Variants in NFIB observed in about 807,000 individuals in gnomAD.
The protein encoded by NFIB is nuclear factor 1 B-type.
In NFIB, 11 loss-of-function variants were observed where a neutral mutation model predicts 61.5. That is an observed-to-expected ratio of 0.18 (90% confidence interval 0.11 to 0.30). The LOEUF is 0.30. NFIB is among the 10% of genes least tolerant of loss of function. The probability of loss-of-function intolerance (pLI) is 1.00; values close to 1 mark genes in which losing one functional copy is unlikely to be tolerated. For synonymous variants in NFIB, 260 were observed against 216.5 expected (o/e 1.20, Z -1.76); for missense variants, 471 against 608.9 (o/e 0.77, Z 2.38).
the NFIB span, among the ~76,000 whole-genome samples, chr9:14,492,271 G>A: frequency 1.3e-5 from 2 of 151,976 alleles, no homozygotes; most frequent in Admixed American, 6.6e-5. Flanking sequence ...GCTGAGGCAG[G>A]AGAATGGCAT....
At chr9:14,295,332 G>A (rs56900909) in intron 2 of NFIB, among the ~76,000 whole-genome samples, 12,273 of 152,120 alleles carry the variant, frequency 0.081, 1,267 homozygotes, top group African/African-American at 0.25. Flanking sequence ...CTTTTTTAAG[G>A]ACAATCCAGT....
In NFIB at chr9:14,147,676, T is replaced by C. The variant is rs185699803; in HGVS notation, c.807-869A>G. On this transcript the variant is annotated intron_variant, in intron 5 of 10. Transcript: ENST00000380953. ...TTTTTTTGAGACTGGGTCTCACTCT[T>C]TCACCTACGATGTAGTACACTGTGG... 2.0e-3 allele frequency among the ~76,000 whole-genome samples: 295 copies of C among 148,206 alleles called. 3 individuals carry two copies. Among genetic ancestry groups the C allele is most frequent in the African/African-American group, 7.1e-3 (282 of 39,532 alleles).
intron 6 of NFIB, among the ~76,000 whole-genome samples, chr9:14,143,956 C>T (rs1323276487): frequency 6.8e-6 from 1 of 148,014 alleles, no homozygotes; most frequent in East Asian, 2.0e-4. Context: ...GTGCACATTA[C>T]GAAGTCTTCA....
chr9:14,227,368 C>T (rs978429310), intron 2 of NFIB, among the ~76,000 whole-genome samples: 1 of 152,022 alleles, frequency 6.6e-6, no homozygotes, highest in East Asian at 1.9e-4. Context: ...CAGTATAGGG[C>T]ATGAAATATT....
At chr9:14,329,078 T>C (rs2060789090) in intron 1 of NFIB, among the ~76,000 whole-genome samples, 1 of 152,208 alleles carries the variant, frequency 6.6e-6, no homozygotes, top group East Asian at 1.9e-4. Context: ...TTGTATCATA[T>C]TGGCCTGCTT....
rs2045352798 is a variant in NFIB at position 14,169,740 on chromosome 9, C to G, written c.616+9987G>C. 2.6e-5 allele frequency among the ~76,000 whole-genome samples: 4 copies of G among 152,336 alleles called. No individual in the cohort carries two copies. In the South Asian group the frequency reaches 8.3e-4, roughly 32 times the overall value. On this transcript the variant is annotated intron_variant, in intron 3 of 10. Transcript: ENST00000380953. The stretch of plus-strand genomic sequence containing the variant: ...GGCTGAGGCAGGAGAATTGCTTGAA[C>G]CTGGGAGGCAAAAGTTGCAGTGAGC...
chr9:14,131,374 T>C (rs1412259032), intron 6 of NFIB, among the ~76,000 whole-genome samples: 1 of 152,226 alleles, frequency 6.6e-6, no homozygotes, highest in Non-Finnish European at 1.5e-5. Context: ...TTTTTGGCAC[T>C]GTAACATATA....
At chr9:14,438,275 C>T in the NFIB span, among the ~76,000 whole-genome samples, 1 of 152,130 alleles carries the variant, frequency 6.6e-6, no homozygotes, top group Non-Finnish European at 1.5e-5. Context: ...ATTGCAGGTC[C>T]AGATTTCAAG....
chr9:14,406,958 G>C, the NFIB span, among the ~76,000 whole-genome samples: 1 of 152,124 alleles, frequency 6.6e-6, no homozygotes, highest in Non-Finnish European at 1.5e-5. Flanking sequence ...GAGATATCAT[G>C]GTTTATCTGT....
At chr9:14,286,342 T>C (rs188106553) in intron 2 of NFIB, among the ~76,000 whole-genome samples, 1 of 152,252 alleles carries the variant, frequency 6.6e-6, no homozygotes, top group African/African-American at 2.4e-5. Flanking sequence ...AGTCCAGAAA[T>C]ACATCCTGAC....
At chr9:14,398,080 A>G (rs2061705535) in intron 1 of NFIB, among the ~76,000 whole-genome samples, 1 of 152,186 alleles carries the variant, frequency 6.6e-6, no homozygotes, top group Non-Finnish European at 1.5e-5. Context: ...GTCAAGACCA[A>G]AGGCTGCTTA....
chr9:14,481,199 A>ATATATATATATATATATG, the NFIB span, among the ~76,000 whole-genome samples: 4 of 18,266 alleles, frequency 2.2e-4, no homozygotes, highest in African/African-American at 1.3e-3. Flanking sequence ...GTGTGTGTGT[A>ATATATATATATATATATG]TATATATATA....
chr9:14,427,939 T>TG, the NFIB span, among the ~76,000 whole-genome samples: 2 of 70,666 alleles, frequency 2.8e-5, no homozygotes. Context: ...ATTCAGTTGT[T>TG]TTTTTTTTTT....
rs746406098 is a variant in NFIB, at chr9:14,264,177, T to C, written c.562+42812A>G. ...GAAATATAGAAACGACTATTTAAAA[T>C]TGACCAAAAAAAAAAAGCAAATAGA... On this transcript the variant is annotated intron_variant, in intron 2 of 10. Transcript: ENST00000380953. Among the ~76,000 whole-genome samples the C allele has an allele frequency of 3.8e-4, 57 of 151,632 alleles. 1 individual carries two copies. The highest frequency in any genetic ancestry group is 6.2e-4 in the South Asian group (3 of 4,814).
At chr9:14,172,289 G>A (rs558377187) in intron 3 of NFIB, among the ~76,000 whole-genome samples, 1 of 152,182 alleles carries the variant, frequency 6.6e-6, no homozygotes, top group African/African-American at 2.4e-5. Flanking sequence ...AACAAAAGAT[G>A]TATGTTTTAA....
intron 1 of NFIB, among the ~76,000 whole-genome samples, chr9:14,388,838 T>C (rs2061586553): frequency 6.6e-6 from 1 of 152,238 alleles, no homozygotes; most frequent in Admixed American, 6.5e-5. Flanking sequence ...AAAATACATT[T>C]TCACTATTTG....
intron 3 of NFIB, among the ~76,000 whole-genome samples, chr9:14,165,420 C>T (rs2044675180): frequency 1.3e-5 from 2 of 152,068 alleles, no homozygotes; most frequent in South Asian, 4.1e-4. Context: ...TTGAATACAG[C>T]AATATTATCA....
intron 1 of NFIB, among the ~76,000 whole-genome samples, chr9:14,374,184 A>G (rs1001201113): frequency 2.8e-4 from 42 of 152,224 alleles, no homozygotes; most frequent in African/African-American, 9.4e-4. Flanking sequence ...TTTGTTAAAA[A>G]TACGGTTCTT....
chr9:14,351,995 G>A (rs1412432243), intron 1 of NFIB, among the ~76,000 whole-genome samples: 2 of 152,180 alleles, frequency 1.3e-5, no homozygotes, highest in African/African-American at 4.8e-5. Flanking sequence ...TTTGCCCACA[G>A]TTCTGACGGA....
Sources: gnomAD v4.1 joint callset for allele counts (sites outside exome capture counted in the v4.1 genomes callset) on GRCh38, gnomAD v4.1.1 for gene constraint, MANE v1.5 for transcripts, NCBI Gene and HGNC (gene_info 2026-07-23, HGNC 2026-07-21) for gene names.